The following ROBO1 variants were observed in gnomAD, a reference collection of about 807,000 sequenced individuals.
ROBO1 encodes roundabout homolog 1.
Under a neutral mutation model 195.9 loss-of-function variants are expected in ROBO1, and 149 were observed. The ratio of observed to expected loss-of-function variants is 0.76; its 90% CI spans 0.67 to 0.87. The LOEUF (loss-of-function observed/expected upper bound fraction) is 0.87, where lower values mean the gene tolerates loss of function less well. ROBO1 is among the 40% of genes least tolerant of loss of function. The pLI is 0.00. For missense variants in ROBO1, 1,933 were observed against 2,068.3 expected, an observed-to-expected ratio of 0.93 and a Z score of 1.27; for synonymous variants, 816 against 733.2, an observed-to-expected ratio of 1.11 and a Z score of -1.82.
intron 3 of ROBO1, among the ~76,000 whole-genome samples, chr3:79,010,020 T>TAGAGTGTGTAAAACCAGG (rs2077736265): frequency 6.6e-6 from 1 of 152,194 alleles, no homozygotes; most frequent in Non-Finnish European, 1.5e-5. Flanking sequence ...TTCTGTGTTG[T>TAGAGTGTGTAAAACCAGG]AGAGTGTGTA....
chr3:78,752,162 C>T (rs2082812470), intron 4 of ROBO1, among the ~76,000 whole-genome samples: 1 of 134,372 alleles, frequency 7.4e-6, no homozygotes, highest in South Asian at 2.4e-4. Flanking sequence ...TTATTACTCA[C>T]ATACATAGTC....
At chr3:79,360,701 G>A (rs190170629) in intron 2 of ROBO1, among the ~76,000 whole-genome samples, 141 of 152,110 alleles carry the variant, frequency 9.3e-4, no homozygotes, top group African/African-American at 3.3e-3. Flanking sequence ...TCATTATATA[G>A]TTAGGAAACC....
chr3:79,618,417 A>T (rs1944893943), intron 1 of ROBO1, among the ~76,000 whole-genome samples: 2 of 152,144 alleles, frequency 1.3e-5, no homozygotes, highest in African/African-American at 4.8e-5. Flanking sequence ...AACTGATGAC[A>T]TTCCACCATT....
chr3:79,629,468 G>A (rs975299714), intron 1 of ROBO1, among the ~76,000 whole-genome samples: 11 of 151,864 alleles, frequency 7.2e-5, no homozygotes, highest in Admixed American at 2.6e-4. Flanking sequence ...ATAACATACC[G>A]AAACCTCGGG....
chr3:79,116,413 CCT>C (rs2079999922), intron 3 of ROBO1, among the ~76,000 whole-genome samples: 3 of 145,400 alleles, frequency 2.1e-5, no homozygotes, highest in African/African-American at 7.9e-5. Flanking sequence ...TTCCTTCCTT[CCT>C]TCTCTATTTT....
intron 2 of ROBO1, among the ~76,000 whole-genome samples, chr3:79,529,607 C>G (rs1941568851): frequency 2.6e-5 from 4 of 152,174 alleles, no homozygotes; most frequent in African/African-American, 9.7e-5. Context: ...GATCTGATAA[C>G]AGAGACAGCT....
intron 7 of ROBO1, among the ~76,000 whole-genome samples, chr3:78,715,981 A>G (rs79100443): frequency 1.2e-3 from 189 of 152,330 alleles, no homozygotes; most frequent in African/African-American, 4.2e-3. Flanking sequence ...CATAAATCCT[A>G]TGCCCTACCT....
chr3:78,725,262 G>C (rs1364505110), intron 5 of ROBO1, among the ~76,000 whole-genome samples: 1 of 152,078 alleles, frequency 6.6e-6, no homozygotes, highest in Non-Finnish European at 1.5e-5. Flanking sequence ...ATGTCCCACT[G>C]GTCTTGCTCC....
At chr3:78,744,807 G>C (rs2082616823) in intron 5 of ROBO1, among the ~76,000 whole-genome samples, 1 of 151,808 alleles carries the variant, frequency 6.6e-6, no homozygotes, top group Non-Finnish European at 1.5e-5. Flanking sequence ...TTTTTAATAG[G>C]ACTTACTAGA....
intron 3 of ROBO1, among the ~76,000 whole-genome samples, chr3:79,025,371 A>G (rs1041931525): frequency 1.3e-5 from 2 of 152,066 alleles, no homozygotes; most frequent in African/African-American, 2.4e-5. Flanking sequence ...ATTCACATCT[A>G]AGATACTATA....
intron 2 of ROBO1, among the ~76,000 whole-genome samples, chr3:79,364,971 C>G (rs926366260): frequency 4.6e-5 from 7 of 152,240 alleles, no homozygotes; most frequent in East Asian, 3.9e-4. Context: ...TTCTGAATAC[C>G]TGGGGAAACT....
intron 4 of ROBO1, among the ~76,000 whole-genome samples, chr3:78,894,677 T>G (rs538039540): frequency 2.6e-4 from 39 of 152,118 alleles, no homozygotes; most frequent in Non-Finnish European, 5.1e-4. Flanking sequence ...CAGAAACAAA[T>G]TATCATTGAA....
chr3:79,239,178 A>G (rs1239947474), intron 2 of ROBO1, among the ~76,000 whole-genome samples: 1 of 152,204 alleles, frequency 6.6e-6, no homozygotes, highest in Non-Finnish European at 1.5e-5. Flanking sequence ...TAGATAAGTA[A>G]TAACAACAAA....
At chr3:78,944,467 C>A (rs1048691040) in intron 3 of ROBO1, among the ~76,000 whole-genome samples, 1 of 152,192 alleles carries the variant, frequency 6.6e-6, no homozygotes, top group Non-Finnish European at 1.5e-5. Context: ...ACCCTGATGT[C>A]AGATTTCAGC....
chr3:78,928,455 A>G (rs1251245566), intron 4 of ROBO1, among the ~76,000 whole-genome samples: 1 of 152,182 alleles, frequency 6.6e-6, no homozygotes, highest in Non-Finnish European at 1.5e-5. Context: ...GAAAAGAAGA[A>G]AAGAAAAAGA....
intron 10 of ROBO1, among the ~76,000 whole-genome samples, chr3:78,682,839 T>C (rs1311855620): frequency 6.6e-6 from 1 of 151,106 alleles, no homozygotes; most frequent in Non-Finnish European, 1.5e-5. Flanking sequence ...TTTTTTATAT[T>C]AACCTTGTGT....
chr3:78,702,466 A>T (rs2081442289), intron 8 of ROBO1, among the ~76,000 whole-genome samples: 1 of 152,236 alleles, frequency 6.6e-6, no homozygotes, highest in Non-Finnish European at 1.5e-5. Flanking sequence ...ACAAAATATT[A>T]TGTGAATCAA....
intron 2 of ROBO1, among the ~76,000 whole-genome samples, chr3:79,305,887 A>T (rs967299895): frequency 1.3e-5 from 2 of 152,202 alleles, no homozygotes; most frequent in African/African-American, 4.8e-5. Context: ...ATAGATATTA[A>T]ATTTTCAACG....
In ROBO1 at chr3:79,463,646, G is replaced by A. The variant is rs184109181; in HGVS notation, c.88+126178C>T. ...GAAGAATCTGCTAACCGAAAAAGAT[G>A]GTACAAATCAAACAGTGAATAATCC... On this transcript the variant is annotated intron_variant, in intron 2 of 30. Coordinates refer to ENST00000464233, the MANE Select transcript of ROBO1 (RefSeq NM_002941.4). Among the ~76,000 whole-genome samples, 38 of 152,068 alleles carry A rather than the reference G, an allele frequency of 2.5e-4. No individual in the cohort carries two copies. In the East Asian group the frequency reaches 4.4e-3, roughly 18 times the overall value.
Sources: gnomAD v4.1 joint callset for allele counts (sites outside exome capture counted in the v4.1 genomes callset) on GRCh38, gnomAD v4.1.1 for gene constraint, MANE v1.5 for transcripts, NCBI Gene and HGNC (gene_info 2026-07-23, HGNC 2026-07-21) for gene names.